Variants in NCAM2 observed in about 807,000 individuals in gnomAD.
NCAM2 encodes neural cell adhesion molecule 2.
In NCAM2, 30 loss-of-function variants were observed where a neutral mutation model predicts 98.1. The observed-to-expected ratio is 0.31, with a 90% CI of 0.23 to 0.41. The LOEUF (loss-of-function observed/expected upper bound fraction) is 0.41, where lower values mean the gene tolerates loss of function less well. Among genes scored for constraint, NCAM2 ranks in the 10% least tolerant of loss-of-function variants. The pLI is 1.00. For missense variants in NCAM2, 867 were observed against 1,005.8 expected (o/e 0.86, Z 1.87); for synonymous variants, 368 against 342.4 (o/e 1.07, Z -0.83).
chr21:21,030,812 G>A (rs1007481832), intron 1 of NCAM2, among the ~76,000 whole-genome samples: 2 of 152,094 alleles, frequency 1.3e-5, no homozygotes, highest in Non-Finnish European at 2.9e-5. Context: ...TTTAAACACA[G>A]CAACTGACTT....
At chr21:21,360,028 G>A (rs1305512163) in intron 8 of NCAM2, among the ~76,000 whole-genome samples, 2 of 151,876 alleles carry the variant, frequency 1.3e-5, no homozygotes, top group Admixed American at 1.3e-4. Flanking sequence ...AGTAAGTATA[G>A]TATCTATGAA....
intron 8 of NCAM2, among the ~76,000 whole-genome samples, chr21:21,343,780 T>C (rs1295950508): frequency 6.6e-6 from 1 of 152,116 alleles, no homozygotes; most frequent in Non-Finnish European, 1.5e-5. Flanking sequence ...TGTCTCCCAG[T>C]AAACTTGAAA....
At chr21:21,492,640 T>G (rs2146311800) in intron 15 of NCAM2, among the ~76,000 whole-genome samples, 1 of 151,956 alleles carries the variant, frequency 6.6e-6, no homozygotes, top group South Asian at 2.1e-4. Context: ...ATATTTTTAT[T>G]TACTGTCCAC....
chr21:21,339,848 T>G (rs1801966103), intron 8 of NCAM2, among the ~76,000 whole-genome samples: 1 of 151,844 alleles, frequency 6.6e-6, no homozygotes, highest in South Asian at 2.1e-4. Flanking sequence ...TTACCCTTTT[T>G]TGTTTCATTT....
intron 15 of NCAM2, among the ~76,000 whole-genome samples, chr21:21,478,121 A>AC (rs1985399037): frequency 6.6e-6 from 1 of 152,154 alleles, no homozygotes; most frequent in African/African-American, 2.4e-5. Context: ...GGATGTTAAA[A>AC]CTTTTATTCA....
chr21:21,475,763 C>T (rs902575751), intron 14 of NCAM2, among the ~76,000 whole-genome samples: 5 of 152,110 alleles, frequency 3.3e-5, no homozygotes, highest in Admixed American at 3.3e-4. Context: ...TCATTTAAAA[C>T]CAGGGCTTCG....
At chr21:21,113,815 T>G (rs1223270513) in intron 1 of NCAM2, among the ~76,000 whole-genome samples, 2 of 152,170 alleles carry the variant, frequency 1.3e-5, no homozygotes, top group East Asian at 3.8e-4. Flanking sequence ...AATGCCTCTT[T>G]TTTTTGATTG....
chr21:21,385,371 A>ACACACACAC (rs2076245325), intron 9 of NCAM2, among the ~76,000 whole-genome samples: 1 of 110,158 alleles, frequency 9.1e-6, no homozygotes, highest in Non-Finnish European at 2.0e-5. Flanking sequence ...CACAATGTTA[A>ACACACACAC]ACACACACAC....
chr21:21,179,250 A>AT (rs955105851), intron 1 of NCAM2, among the ~76,000 whole-genome samples: 23 of 151,324 alleles, frequency 1.5e-4, no homozygotes, highest in East Asian at 3.9e-4. Flanking sequence ...CTTTATCCTG[A>AT]TTTTTTTTTC....
chr21:21,200,647 C>A (rs1002532097), intron 1 of NCAM2, among the ~76,000 whole-genome samples: 4 of 151,446 alleles, frequency 2.6e-5, no homozygotes, highest in African/African-American at 7.3e-5. Context: ...GTTAACTTAC[C>A]ACACTGCTAT....
At chr21:21,485,706 A>G (rs2146292055) in intron 15 of NCAM2, among the ~76,000 whole-genome samples, 1 of 152,320 alleles carries the variant, frequency 6.6e-6, no homozygotes, top group Non-Finnish European at 1.5e-5. Context: ...GGACAATAGG[A>G]AACAACCAGA....
At chr21:21,033,568 CCCAAAA>C (rs2064734626) in intron 1 of NCAM2, among the ~76,000 whole-genome samples, 1 of 151,952 alleles carries the variant, frequency 6.6e-6, no homozygotes, top group African/African-American at 2.4e-5. Flanking sequence ...TGACCTCCCC[CCCAAAA>C]CAATGGCGTG....
intron 1 of NCAM2, among the ~76,000 whole-genome samples, chr21:21,039,636 A>G (rs1036413622): frequency 1.3e-5 from 2 of 152,230 alleles, no homozygotes; most frequent in Non-Finnish European, 2.9e-5. Flanking sequence ...AAATGTGTGC[A>G]TATTTTGAAT....
chr21:21,374,115 G>C, intron 9 of NCAM2, 102 bp downstream of exon 9: 1 of 1,061,092 alleles, frequency 9.4e-7, no homozygotes, highest in Non-Finnish European at 1.3e-6. Flanking sequence ...TCACATTTCA[G>C]TACTTAATGC....
intron 1 of NCAM2, among the ~76,000 whole-genome samples, chr21:21,051,015 A>T (rs1419055032): frequency 6.6e-6 from 1 of 152,176 alleles, no homozygotes; most frequent in Non-Finnish European, 1.5e-5. Context: ...ACCCAATGCC[A>T]CTTGGTGTCC....
intron 1 of NCAM2, among the ~76,000 whole-genome samples, chr21:21,070,506 A>G (rs2065539721): frequency 6.6e-6 from 1 of 152,068 alleles, no homozygotes; most frequent in Non-Finnish European, 1.5e-5. Flanking sequence ...ACAGAGGAAG[A>G]GGGGGGTGAA....
intron 5 of NCAM2, among the ~76,000 whole-genome samples, chr21:21,307,200 TTTC>T (rs951509466): frequency 7.2e-5 from 11 of 152,254 alleles, no homozygotes; most frequent in Admixed American, 1.3e-4. Flanking sequence ...TAGTTTTATT[TTTC>T]TTCTGTTTCT....
chr21:21,152,731 C>A (rs548146621), intron 1 of NCAM2, among the ~76,000 whole-genome samples: 1 of 152,032 alleles, frequency 6.6e-6, no homozygotes, highest in Middle Eastern at 3.4e-3. Context: ...AATCTCTCAG[C>A]AACCTGAGTT....
chr21:21,260,929 A>G (rs183596430), intron 1 of NCAM2, among the ~76,000 whole-genome samples: 14 of 152,238 alleles, frequency 9.2e-5, no homozygotes, highest in African/African-American at 3.4e-4. Flanking sequence ...ATTAAAAAAA[A>G]TACTCAACCA....
Sources: allele counts gnomAD v4.1 joint callset (sites outside exome capture counted in the v4.1 genomes callset), GRCh38; gene constraint gnomAD v4.1.1; transcripts MANE v1.5; gene names NCBI Gene and HGNC (gene_info 2026-07-23, HGNC 2026-07-21).